The following KIAA0232 variants were observed in gnomAD, a reference collection of about 807,000 sequenced individuals.
KIAA0232 encodes uncharacterized protein KIAA0232.
Under a neutral mutation model 122.0 loss-of-function variants are expected in KIAA0232, and 27 were observed. The ratio of observed to expected loss-of-function variants is 0.22; its 90% CI spans 0.16 to 0.31. The LOEUF (loss-of-function observed/expected upper bound fraction) is 0.31. KIAA0232 is among the 10% of genes least tolerant of loss of function. The probability of loss-of-function intolerance (pLI) is 1.00; values close to 1 mark genes in which losing one functional copy is unlikely to be tolerated. For synonymous variants in KIAA0232, 613 were observed against 587.6 expected (o/e 1.04, Z -0.63); for missense variants, 1,551 against 1,634.2 (o/e 0.95, Z 0.88).
Position 6,863,810 on chromosome 4 carries a change from T to C in KIAA0232, c.3428T>C (p.Ile1143Thr). 3.7e-6 allele frequency: 6 copies of C among 1,614,174 alleles called. No homozygotes were observed. The highest frequency in any genetic ancestry group is 5.1e-6 in the Non-Finnish European group (6 of 1,180,018). ...ATTCCCATTCCTTCTCAAGTTGATA[T>C]ATTTGAAGATCCGCAGGCAGATCTC... is the stretch of plus-strand genomic sequence containing the variant. ...ANIPIPSQVD[I>T]FEDPQADLKP... The change falls in exon 7 of 10, where the codon ATA (isoleucine) becomes ACA (threonine). Residue 1143 changes from isoleucine to threonine, a missense_variant. Physicochemically the swap from Ile to Thr is moderately conservative, Grantham distance 89. Transcript: ENST00000307659.
At chr4:6,810,686 A>G (rs1412898074) in intron 2 of KIAA0232, among the ~76,000 whole-genome samples, 1 of 152,232 alleles carries the variant, frequency 6.6e-6, no homozygotes, top group African/African-American at 2.4e-5. Flanking sequence ...TTTATCTGAT[A>G]GGGAACTGAT....
At chr4:6,839,658 A>G (rs1444101000) in intron 3 of KIAA0232, among the ~76,000 whole-genome samples, 1 of 152,178 alleles carries the variant, frequency 6.6e-6, no homozygotes, top group Admixed American at 6.5e-5. Flanking sequence ...GAGTATGCTG[A>G]GGAGGGGGTA....
chr4:6,784,644 G>A (rs572726320), intron 1 of KIAA0232, among the ~76,000 whole-genome samples: 2 of 152,214 alleles, frequency 1.3e-5, no homozygotes, highest in South Asian at 4.1e-4. Context: ...TTCAATTGCT[G>A]TACTTGCTAA....
chr4:6,839,436 A>C (rs1719524997), intron 3 of KIAA0232, among the ~76,000 whole-genome samples: 1 of 152,228 alleles, frequency 6.6e-6, no homozygotes, highest in Admixed American at 6.5e-5. Context: ...AGAAGTTTTA[A>C]ATATAAATAT....
chr4:6,796,188 C>T (rs1024316646), intron 1 of KIAA0232, among the ~76,000 whole-genome samples: 10 of 151,610 alleles, frequency 6.6e-5, no homozygotes, highest in Admixed American at 1.3e-4. Context: ...TAGAAGTGAA[C>T]GAGTCCTGGA....
chr4:6,838,091 G>C (rs994752004), intron 3 of KIAA0232, among the ~76,000 whole-genome samples: 2 of 152,148 alleles, frequency 1.3e-5, no homozygotes, highest in African/African-American at 4.8e-5. Flanking sequence ...TGTTGCATTT[G>C]AGAGTCTATG....
Position 6,794,997 on chromosome 4 carries a change from G to A in KIAA0232, c.-353-9526G>A, listed in dbSNP as rs563184779. 5.3e-5 allele frequency among the ~76,000 whole-genome samples: 8 copies of A among 152,296 alleles called. No individual in the cohort carries two copies. In the South Asian group the frequency reaches 1.7e-3, roughly 32 times the overall value. ...GGATGGAGCAGTCTCTGCATAGGTG[G>A]TATTTATAATCATGGGACTAGAAGA... On this transcript the variant is annotated intron_variant, in intron 1 of 9. Coordinates refer to ENST00000307659, the MANE Select transcript of KIAA0232 (RefSeq NM_014743.3).
At chr4:6,865,645 AC>A (rs1394235882) in intron 7 of KIAA0232, among the ~76,000 whole-genome samples, 1 of 152,150 alleles carries the variant, frequency 6.6e-6, no homozygotes, top group Non-Finnish European at 1.5e-5. Context: ...AAGCCATGCC[AC>A]CTGTGGCCAG....
At chr4:6,849,403 G>A (rs6833913) in intron 4 of KIAA0232, among the ~76,000 whole-genome samples, 107,381 of 152,090 alleles carry the variant, frequency 0.71, 38,239 homozygotes, top group Middle Eastern at 0.76. Context: ...GTCACTTGAC[G>A]TCAGGAGTTT....
chr4:6,840,529 A>G (rs1455549242), intron 3 of KIAA0232, among the ~76,000 whole-genome samples: 1 of 152,168 alleles, frequency 6.6e-6, no homozygotes, highest in Non-Finnish European at 1.5e-5. Flanking sequence ...AGCATGGAAA[A>G]GTCAATCAGA....
At chr4:6,827,775 G>C (rs987128411) in intron 3 of KIAA0232, among the ~76,000 whole-genome samples, 1 of 152,188 alleles carries the variant, frequency 6.6e-6, no homozygotes, top group Non-Finnish European at 1.5e-5. Flanking sequence ...AAACACATTT[G>C]TGGTGGTGGG....
At chr4:6,820,709 A>C (rs1718384073) in intron 2 of KIAA0232, among the ~76,000 whole-genome samples, 1 of 152,128 alleles carries the variant, frequency 6.6e-6, no homozygotes, top group Non-Finnish European at 1.5e-5. Context: ...AAAGATATTT[A>C]AATAATAAGA....
At chr4:6,803,286 T>G (rs1717472416) in intron 1 of KIAA0232, among the ~76,000 whole-genome samples, 2 of 151,794 alleles carry the variant, frequency 1.3e-5, no homozygotes, top group Admixed American at 1.3e-4. Context: ...AAATATTCCA[T>G]GAGTAGTTGG....
intron 2 of KIAA0232, among the ~76,000 whole-genome samples, chr4:6,816,732 T>C (rs1235148463): frequency 4.6e-5 from 7 of 152,230 alleles, no homozygotes; most frequent in African/African-American, 1.4e-4. Context: ...TATATGGGCC[T>C]AGCAATTTCT....
chr4:6,798,014 C>T (rs866043317), intron 1 of KIAA0232, among the ~76,000 whole-genome samples: 4 of 148,716 alleles, frequency 2.7e-5, no homozygotes, highest in East Asian at 4.0e-4. Flanking sequence ...GCTGAGATTA[C>T]GCCACTGCAT....
intron 2 of KIAA0232, among the ~76,000 whole-genome samples, chr4:6,815,444 G>A (rs1034121872): frequency 2.6e-5 from 4 of 152,132 alleles, no homozygotes; most frequent in Non-Finnish European, 4.4e-5. Context: ...TGCTGCTTAG[G>A]TAGAGAAAGC....
chr4:6,873,424 TAATGG>T (rs1376322538), intron 8 of KIAA0232, among the ~76,000 whole-genome samples: 1 of 152,112 alleles, frequency 6.6e-6, no homozygotes, highest in East Asian at 1.9e-4. Flanking sequence ...CAGACACAGT[TAATGG>T]AATGAAGGTG....
intron 4 of KIAA0232, among the ~76,000 whole-genome samples, chr4:6,851,979 G>A (rs983791427): frequency 2.0e-5 from 3 of 152,016 alleles, no homozygotes; most frequent in African/African-American, 7.2e-5. Flanking sequence ...GCCTCGATTG[G>A]TCATATTATT....
At chr4:6,792,193 A>C (rs1716926600) in intron 1 of KIAA0232, among the ~76,000 whole-genome samples, 1 of 152,220 alleles carries the variant, frequency 6.6e-6, no homozygotes, top group South Asian at 2.1e-4. Flanking sequence ...TACTTTAGGT[A>C]CAGATTTGCT....
Sources: allele counts gnomAD v4.1 joint callset (sites outside exome capture counted in the v4.1 genomes callset), GRCh38; gene constraint gnomAD v4.1.1; transcripts MANE v1.5; gene names NCBI Gene and HGNC (gene_info 2026-07-23, HGNC 2026-07-21).